Variants in ARSJ observed in about 807,000 individuals in gnomAD.
ARSJ encodes arylsulfatase J.
ARSJ carries 26 observed loss-of-function variants against 35.9 expected under a neutral mutation model. The observed-to-expected ratio is 0.72, with a 90% confidence interval of 0.53 to 1.00. ARSJ has a LOEUF of 1.00. Ranked by LOEUF, ARSJ falls within the 50% of genes least tolerant of loss-of-function variation. The pLI, the probability that ARSJ is intolerant of heterozygous loss-of-function variation, is 0.00. For synonymous variants in ARSJ, 294 were observed against 267.6 expected, an observed-to-expected ratio of 1.10 and a Z score of -0.96; for missense variants, 667 against 723.6, an observed-to-expected ratio of 0.92 and a Z score of 0.90.
At chr4:113,928,933 G>A (rs930885510) in intron 1 of ARSJ, among the ~76,000 whole-genome samples, 1 of 152,102 alleles carries the variant, frequency 6.6e-6, no homozygotes, top group African/African-American at 2.4e-5. Context: ...TTAAACCAGG[G>A]GAGATCAGGC....
intron 1 of ARSJ, among the ~76,000 whole-genome samples, chr4:113,928,095 C>T (rs1053520672): frequency 1.3e-5 from 2 of 152,072 alleles, no homozygotes; most frequent in African/African-American, 4.8e-5. Flanking sequence ...GAGCTAAAAT[C>T]CCATTAATTA....
intron 1 of ARSJ, among the ~76,000 whole-genome samples, chr4:113,928,190 G>A (rs756959537): frequency 1.1e-4 from 17 of 152,154 alleles, no homozygotes; most frequent in Non-Finnish European, 2.2e-4. Context: ...CAGAGCCAGT[G>A]TCCAGTAGTC....
At chr4:113,957,117 T>C (rs1726231142) in intron 1 of ARSJ, among the ~76,000 whole-genome samples, 1 of 152,066 alleles carries the variant, frequency 6.6e-6, no homozygotes, top group African/African-American at 2.4e-5. Context: ...AGGCAGTTCA[T>C]AATATAAAAC....
At chr4:113,921,880 T>G (rs1433874256) in intron 1 of ARSJ, among the ~76,000 whole-genome samples, 2 of 152,134 alleles carry the variant, frequency 1.3e-5, no homozygotes, top group East Asian at 3.9e-4. Context: ...GGTGAAAACT[T>G]CAGGTGGACA....
At chr4:113,959,904 A>AT (rs757138992) in intron 1 of ARSJ, among the ~76,000 whole-genome samples, 11 of 151,826 alleles carry the variant, frequency 7.2e-5, no homozygotes, top group Non-Finnish European at 1.6e-4. Flanking sequence ...CACCCAATAG[A>AT]TTTTTTTTCT....
chr4:113,966,069 A>T (rs1726875889), intron 1 of ARSJ, among the ~76,000 whole-genome samples: 1 of 151,894 alleles, frequency 6.6e-6, no homozygotes, highest in South Asian at 2.1e-4. Context: ...TAAATTTCTA[A>T]TAAATTATAA....
intron 1 of ARSJ, among the ~76,000 whole-genome samples, chr4:113,926,145 T>C (rs1429878282): frequency 6.6e-6 from 1 of 152,162 alleles, no homozygotes; most frequent in Non-Finnish European, 1.5e-5. Flanking sequence ...TCACATGGGA[T>C]ACAAATATCT....
intron 1 of ARSJ, among the ~76,000 whole-genome samples, chr4:113,912,968 T>C (rs1263374636): frequency 1.3e-5 from 2 of 152,100 alleles, no homozygotes; most frequent in Non-Finnish European, 2.9e-5. Context: ...AACTAATTAA[T>C]TTGAAATAAA....
In ARSJ at chr4:113,914,130, C is replaced by T. The variant is rs563753175; in HGVS notation, c.399-10455G>A. Among the ~76,000 whole-genome samples, 37 of 152,106 alleles carry T rather than the reference C, an allele frequency of 2.4e-4. No homozygotes were observed. In the South Asian group the frequency reaches 7.1e-3, roughly 29 times the overall value. On this transcript the variant is annotated intron_variant, in intron 1 of 1. Transcript: ENST00000315366. ...CTGGGATTACAGGCACCCACCACCA[C>T]GCCCAGCTAATTTTTGTATTTTTAT...
intron 1 of ARSJ, among the ~76,000 whole-genome samples, chr4:113,906,941 G>A (rs11941125): frequency 0.71 from 108,196 of 152,036 alleles, 38,832 homozygotes; most frequent in Non-Finnish European, 0.76. Flanking sequence ...AAGTTTCACT[G>A]CAACAGTGAG....
In ARSJ at chr4:113,930,166, G is replaced by T. The variant is rs558367610; in HGVS notation, c.399-26491C>A. 7.0e-4 allele frequency among the ~76,000 whole-genome samples: 107 copies of T among 152,152 alleles called. 1 individual carries two copies. In the Middle Eastern group the frequency reaches 0.027, roughly 39 times the overall value. ...GTTCTCTAGAGGGACAGAACTAATA[G>T]AAATGGGAGTTTAGTAAGTATTAAC... On this transcript the variant is annotated intron_variant, in intron 1 of 1. Coordinates refer to ENST00000315366, the MANE Select transcript of ARSJ (RefSeq NM_024590.4).
intron 1 of ARSJ, among the ~76,000 whole-genome samples, chr4:113,960,733 G>C (rs986229958): frequency 2.0e-4 from 31 of 151,996 alleles, no homozygotes; most frequent in Admixed American, 3.3e-4. Flanking sequence ...GTAGCATTAA[G>C]TCAGTAACTT....
intron 1 of ARSJ, among the ~76,000 whole-genome samples, chr4:113,931,276 A>G (rs937613412): frequency 6.6e-6 from 1 of 152,136 alleles, no homozygotes; most frequent in Non-Finnish European, 1.5e-5. Context: ...ATTTTAAGCA[A>G]GAAGAAAAAC....
At chr4:113,965,221 C>T (rs188143171) in intron 1 of ARSJ, among the ~76,000 whole-genome samples, 29 of 152,230 alleles carry the variant, frequency 1.9e-4, no homozygotes, top group African/African-American at 7.0e-4. Context: ...ACAAGAACTT[C>T]TTCCAACTTC....
At chr4:113,925,585 G>A (rs566992240) in intron 1 of ARSJ, among the ~76,000 whole-genome samples, 39 of 152,252 alleles carry the variant, frequency 2.6e-4, no homozygotes, top group African/African-American at 7.7e-4. Context: ...ATAGGGAACA[G>A]GGTAAAACCA....
rs1723792105 is a variant in ARSJ, at chr4:113,923,183, T to C, written c.399-19508A>G. Among the ~76,000 whole-genome samples, 4 of 152,196 alleles carry C rather than the reference T, an allele frequency of 2.6e-5. 1 individual carries two copies. The South Asian group carries it at 8.3e-4, about 32-fold the overall frequency. On this transcript the variant is annotated intron_variant, in intron 1 of 1. Coordinates refer to ENST00000315366, the MANE Select transcript of ARSJ (RefSeq NM_024590.4). ...TCCATGGCTGCATGAGCCAATTCCTTAAAATAAATTTCTTTCTTTCTGTTT... is the reference window on the plus strand; with the variant it reads ...TCCATGGCTGCATGAGCCAATTCCTCAAAATAAATTTCTTTCTTTCTGTTT...
intron 1 of ARSJ, among the ~76,000 whole-genome samples, chr4:113,944,512 A>C (rs1431785399): frequency 6.6e-6 from 1 of 152,044 alleles, no homozygotes; most frequent in Non-Finnish European, 1.5e-5. Flanking sequence ...ATGTCCAATA[A>C]AATTATATGC....
Position 113,978,826 on chromosome 4 carries a change from G to A in ARSJ, c.9C>T (p.Pro3=), listed in dbSNP as rs1404621607. 4 of 1,600,782 alleles carry A rather than the reference G, an allele frequency of 2.5e-6. No homozygotes were observed. The highest frequency in any genetic ancestry group is 1.3e-5 in the African/African-American group (1 of 74,356). Residue 3 remains proline (P), a synonymous_variant, in exon 1 of 2, where the codon CCC becomes CCT. Transcript: ENST00000315366. ...GAGGCGGATGCCCCGCACAGCCCCT[G>A]GGAGCCATTCACTCAGGTCCCAGGT... MA[P]RGCAGHPPPP...
At chr4:113,918,062 A>G (rs1267572972) in intron 1 of ARSJ, among the ~76,000 whole-genome samples, 1 of 152,202 alleles carries the variant, frequency 6.6e-6, no homozygotes, top group Non-Finnish European at 1.5e-5. Context: ...GTCTGCTCTT[A>G]CCTAACCAAT....
Sources: allele counts gnomAD v4.1 joint callset (sites outside exome capture counted in the v4.1 genomes callset), GRCh38; gene constraint gnomAD v4.1.1; transcripts MANE v1.5; gene names NCBI Gene and HGNC (gene_info 2026-07-23, HGNC 2026-07-21).